The following SNTG1 variants were observed in gnomAD, a reference collection of about 807,000 sequenced individuals.
SNTG1 encodes gamma-1-syntrophin.
In SNTG1, 39 loss-of-function variants were observed where a neutral mutation model predicts 74.7. That is an observed-to-expected ratio of 0.52 (90% CI 0.40 to 0.68). The LOEUF is 0.68. SNTG1 is among the 30% of genes least tolerant of loss of function. SNTG1 has a pLI of 0.00. For missense variants in SNTG1, 685 were observed against 609.5 expected (o/e 1.12, Z -1.30); for synonymous variants, 254 against 217.1 (o/e 1.17, Z -1.49).
intron 1 of SNTG1, among the ~76,000 whole-genome samples, chr8:50,096,634 G>A (rs1308656828): frequency 6.6e-6 from 1 of 152,104 alleles, no homozygotes; most frequent in Non-Finnish European, 1.5e-5. Flanking sequence ...CATAAAATGT[G>A]CACCAAAAGG....
At chr8:50,616,419 A>G (rs1241310599) in intron 13 of SNTG1, among the ~76,000 whole-genome samples, 1 of 152,200 alleles carries the variant, frequency 6.6e-6, no homozygotes, top group African/African-American at 2.4e-5. Context: ...CCCTGAGATG[A>G]GCATACAATG....
intron 17 of SNTG1, among the ~76,000 whole-genome samples, chr8:50,727,940 A>C (rs548799704): frequency 5.9e-5 from 9 of 152,214 alleles, no homozygotes; most frequent in Admixed American, 1.3e-4. Context: ...TGACTCCTTA[A>C]ACTGTTTACT....
intron 8 of SNTG1, among the ~76,000 whole-genome samples, chr8:50,474,737 A>G: frequency 6.6e-6 from 1 of 152,188 alleles, no homozygotes; most frequent in Non-Finnish European, 1.5e-5. Flanking sequence ...GTATCTACCC[A>G]AAAGATTATA....
chr8:49,980,966 A>G (rs1236949229), intron 1 of SNTG1, among the ~76,000 whole-genome samples: 2 of 152,226 alleles, frequency 1.3e-5, no homozygotes, highest in African/African-American at 4.8e-5. Flanking sequence ...CCCATACATT[A>G]GTCTCTTCTC....
chr8:50,723,384 C>T (rs1420916450), intron 17 of SNTG1, among the ~76,000 whole-genome samples: 1 of 152,174 alleles, frequency 6.6e-6, no homozygotes, highest in African/African-American at 2.4e-5. Flanking sequence ...AATCCAAATT[C>T]AAGGTCCTTT....
chr8:50,760,310 C>A (rs1040174557), intron 18 of SNTG1, among the ~76,000 whole-genome samples: 2 of 152,066 alleles, frequency 1.3e-5, no homozygotes, highest in African/African-American at 4.8e-5. Context: ...TTGACTTATT[C>A]TATTCCTATT....
At chr8:50,352,459 C>T (rs536761430) in intron 2 of SNTG1, among the ~76,000 whole-genome samples, 24 of 151,952 alleles carry the variant, frequency 1.6e-4, no homozygotes, top group African/African-American at 5.3e-4. Context: ...GAAGCAGTCT[C>T]GGCTCACTGC....
At chr8:50,309,807 G>T (rs2090037628) in intron 2 of SNTG1, among the ~76,000 whole-genome samples, 1 of 152,228 alleles carries the variant, frequency 6.6e-6, no homozygotes, top group East Asian at 1.9e-4. Flanking sequence ...TAGAAGCTAA[G>T]AATTTTAATA....
intron 9 of SNTG1, among the ~76,000 whole-genome samples, chr8:50,518,602 T>C: frequency 6.6e-6 from 1 of 152,078 alleles, no homozygotes; most frequent in South Asian, 2.1e-4. Context: ...ATAGACACAG[T>C]AAAATATGAT....
At chr8:50,700,958 G>A (rs925791737) in intron 15 of SNTG1, among the ~76,000 whole-genome samples, 13 of 151,968 alleles carry the variant, frequency 8.6e-5, no homozygotes, top group Admixed American at 2.0e-4. Context: ...TCACGACTTG[G>A]GTAATATAAC....
At chr8:50,034,233 G>T (rs1225248213) in intron 1 of SNTG1, among the ~76,000 whole-genome samples, 1 of 152,052 alleles carries the variant, frequency 6.6e-6, no homozygotes, top group Admixed American at 6.6e-5. Context: ...TGCCAGAATG[G>T]TTACAAAGCA....
chr8:49,982,222 A>G (rs1167451646), intron 1 of SNTG1, among the ~76,000 whole-genome samples: 2 of 152,144 alleles, frequency 1.3e-5, no homozygotes. Flanking sequence ...TATAATATGT[A>G]TGGGCACATA....
intron 1 of SNTG1, among the ~76,000 whole-genome samples, chr8:50,110,145 T>C (rs900275094): frequency 1.3e-5 from 2 of 152,188 alleles, no homozygotes; most frequent in African/African-American, 4.8e-5. Flanking sequence ...ATTTCTCCTC[T>C]GCCCTCTTCC....
intron 13 of SNTG1, among the ~76,000 whole-genome samples, chr8:50,651,904 G>T (rs550650563): frequency 6.6e-6 from 1 of 151,470 alleles, no homozygotes; most frequent in African/African-American, 2.4e-5. Flanking sequence ...TCGGCCTCCC[G>T]AGTAGCTGGG....
chr8:50,126,912 G>A (rs1249304780), intron 1 of SNTG1, among the ~76,000 whole-genome samples: 5 of 152,106 alleles, frequency 3.3e-5, no homozygotes, highest in African/African-American at 1.2e-4. Flanking sequence ...GGAGAGGTAC[G>A]AGCTTTTTCC....
At chr8:50,015,206 G>A (rs1054028453) in intron 1 of SNTG1, among the ~76,000 whole-genome samples, 1 of 151,930 alleles carries the variant, frequency 6.6e-6, no homozygotes. Flanking sequence ...TAATAATTTT[G>A]GAAAGATCAC....
At chr8:49,959,050 G>C (rs868151365) in intron 1 of SNTG1, among the ~76,000 whole-genome samples, 22 of 152,080 alleles carry the variant, frequency 1.4e-4, no homozygotes, top group Non-Finnish European at 2.9e-4. Context: ...CATCTAATTA[G>C]CTCTTTTGAA....
chr8:50,628,972 C>T (rs894230860), intron 13 of SNTG1, among the ~76,000 whole-genome samples: 48 of 152,170 alleles, frequency 3.2e-4, no homozygotes, highest in Middle Eastern at 3.4e-3. Context: ...TTTTTCCCCA[C>T]AGAAAGACAA....
chr8:50,101,224 T>A (rs919380685), intron 1 of SNTG1, among the ~76,000 whole-genome samples: 5 of 152,274 alleles, frequency 3.3e-5, no homozygotes, highest in East Asian at 3.9e-4. Context: ...CTAATGATAA[T>A]AGGGCTGCAA....
Sources: allele counts gnomAD v4.1 joint callset (sites outside exome capture counted in the v4.1 genomes callset), GRCh38; gene constraint gnomAD v4.1.1; transcripts MANE v1.5; gene names NCBI Gene and HGNC (gene_info 2026-07-23, HGNC 2026-07-21).